Variants in COL23A1 observed in about 807,000 individuals in gnomAD.
The protein encoded by COL23A1 is collagen alpha-1(XXIII) chain.
A neutral mutation model predicts 99.3 loss-of-function variants in COL23A1; 97 were observed. That is an observed-to-expected ratio of 0.98 (90% CI 0.83 to 1.16). The LOEUF (loss-of-function observed/expected upper bound fraction) is 1.16. Ranked by LOEUF, COL23A1 falls within the 50% of genes most tolerant of loss-of-function variation. The pLI is 0.00. For synonymous variants in COL23A1, 320 were observed against 308.2 expected (o/e 1.04, Z -0.40); for missense variants, 762 against 757.4 (o/e 1.01, Z -0.07).
At chr5:178,490,739 C>T (rs2138106) in intron 2 of COL23A1, among the ~76,000 whole-genome samples, 70,191 of 151,804 alleles carry the variant, frequency 0.46, 16,585 homozygotes, top group Admixed American at 0.54. Flanking sequence ...ACTGTGCCAC[C>T]GTACTCCAGC....
intron 2 of COL23A1, among the ~76,000 whole-genome samples, chr5:178,435,090 A>G (rs899201386): frequency 1.1e-4 from 17 of 152,134 alleles, no homozygotes; most frequent in Non-Finnish European, 2.2e-4. Flanking sequence ...TGGCTCCTGG[A>G]GATTTGCCTC....
chr5:178,425,853 G>T (rs1336369166), intron 2 of COL23A1, among the ~76,000 whole-genome samples: 1 of 152,230 alleles, frequency 6.6e-6, no homozygotes, highest in Non-Finnish European at 1.5e-5. Flanking sequence ...TGTGTCTTGA[G>T]AGTGCCGTGG....
At chr5:178,248,450 C>G (rs1400467065) in intron 19 of COL23A1, among the ~76,000 whole-genome samples, 196 bp from the exon 20 acceptor site, 1 of 152,174 alleles carries the variant, frequency 6.6e-6, no homozygotes, top group Non-Finnish European at 1.5e-5. Context: ...AGAAAGCACA[C>G]GAGCAGCCGC....
At chr5:178,247,927 T>C in intron 20 of COL23A1, 96 bp from the exon 21 acceptor site, 1 of 1,116,298 alleles carries the variant, frequency 9.0e-7, no homozygotes. Flanking sequence ...GAGAGTCTCC[T>C]TCCTGCCCCC....
chr5:178,423,818 C>T (rs1765763160), intron 2 of COL23A1, among the ~76,000 whole-genome samples: 1 of 152,112 alleles, frequency 6.6e-6, no homozygotes, highest in African/African-American at 2.4e-5. Context: ...TCCCGGCCTG[C>T]CCATGACGCT....
intron 2 of COL23A1, among the ~76,000 whole-genome samples, chr5:178,373,255 A>G (rs1762896633): frequency 6.6e-6 from 1 of 152,118 alleles, no homozygotes; most frequent in East Asian, 1.9e-4. Flanking sequence ...CTCAGCTATA[A>G]AATGGGCACA....
intron 2 of COL23A1, among the ~76,000 whole-genome samples, chr5:178,332,761 G>A (rs1054102408): frequency 6.6e-6 from 1 of 151,842 alleles, no homozygotes; most frequent in Non-Finnish European, 1.5e-5. Context: ...ATCGACGCTC[G>A]ACTTCCAGGC....
intron 2 of COL23A1, among the ~76,000 whole-genome samples, chr5:178,492,577 C>T (rs1757988229): frequency 6.6e-6 from 1 of 151,866 alleles, no homozygotes; most frequent in African/African-American, 2.4e-5. Flanking sequence ...AAATCCAGGC[C>T]ATACAAAGGA....
At chr5:178,258,780 A>G (rs2973749) in intron 12 of COL23A1, among the ~76,000 whole-genome samples, 96,848 of 151,640 alleles carry the variant, frequency 0.64, 31,167 homozygotes, top group African/African-American at 0.71. Context: ...CTACAGCCTC[A>G]ACCTCCTGGG....
intron 2 of COL23A1, among the ~76,000 whole-genome samples, chr5:178,436,099 G>T (rs1651485556): frequency 6.6e-6 from 1 of 152,152 alleles, no homozygotes; most frequent in African/African-American, 2.4e-5. Context: ...CGAAGGATGC[G>T]CCTGGCCTCA....
intron 1 of COL23A1, among the ~76,000 whole-genome samples, chr5:178,581,253 C>T (rs1398223511): frequency 1.3e-5 from 2 of 152,202 alleles, no homozygotes; most frequent in Non-Finnish European, 2.9e-5. Context: ...ACCTGTCTGT[C>T]TCAAACTCAG....
chr5:178,590,152 C>A lies in COL23A1; in HGVS notation c.46G>T (p.Gly16Cys). 1 of 1,229,116 alleles carries A rather than the reference C, an allele frequency of 8.1e-7. No homozygotes were observed. Among genetic ancestry groups the A allele is most frequent in the Non-Finnish European group, 1.0e-6 (1 of 990,476 alleles). 76.1% of individuals were successfully genotyped at this position (1,229,116 alleles called of 1,614,324 possible). A position where few individuals can be genotyped will look rare whatever the true frequency, so the allele number is the denominator to read the frequency against. ...RAGGGGDAGK[G>C]NAAGGGGGGR... ...CCGCCGCCGCCGCCCGCCGCATTGC[C>A]CTTCCCCGCGTCGCCGCCGCCACCG... Residue 16 changes from glycine (G) to cysteine (C), a missense_variant, in exon 1 of 29, where the codon GGC becomes TGC. Physicochemically the swap from Gly to Cys is radical, Grantham distance 159. Coordinates refer to ENST00000390654, the MANE Select transcript of COL23A1 (RefSeq NM_173465.4). This position sits in a 1 kb window ranked among gnomAD's most constrained non-coding sequence, Gnocchi z 5.7.
At chr5:178,506,724 T>C (rs1012608732) in intron 2 of COL23A1, among the ~76,000 whole-genome samples, 1 of 152,356 alleles carries the variant, frequency 6.6e-6, no homozygotes, top group Middle Eastern at 3.4e-3. Context: ...CTCAAAGATA[T>C]TAATACAATT....
chr5:178,559,826 C>T lies in COL23A1; in HGVS notation c.361+856G>A, dbSNP rs756825124. On this transcript the variant is annotated intron_variant, in intron 2 of 28. Transcript: ENST00000390654. The stretch of plus-strand genomic sequence containing the variant: ...GACACATCACCCAAAAGTCACCTTT[C>T]CCTGCACGTCGAGAAGTCTGAGACA... 2.8e-3 allele frequency among the ~76,000 whole-genome samples: 401 copies of T among 142,302 alleles called. 1 individual carries two copies. The highest frequency in any genetic ancestry group is 0.023 in the Middle Eastern group (5 of 218). The allele number at this position is 142,302 out of a possible 152,430, so 93.4% of individuals were successfully genotyped here.
Position 178,590,050 on chromosome 5 carries a change from C to A in COL23A1, c.148G>T (p.Ala50Ser). Residue 50 changes from alanine to serine, a missense_variant, in exon 1 of 29, where the codon GCC becomes TCC. By Grantham distance (99) the Ala-to-Ser change is moderately conservative. Transcript: ENST00000390654. The surrounding 1 kb of genome is among the most constrained non-coding windows in gnomAD (Gnocchi z 5.7). ...CLLLSVGSAA[A>S]CLLLGVQAAA... ...GCCTGGACACCCAGCAGCAGGCAGG[C>A]AGCCGCCGAGCCCACGGAGAGCAGC... The A allele has an allele frequency of 7.4e-7, 1 of 1,347,792 alleles. No individual in the cohort carries two copies. Among genetic ancestry groups the A allele is most frequent in the Middle Eastern group, 2.8e-4 (1 of 3,618 alleles). 83.5% of individuals were successfully genotyped at this position (1,347,792 alleles called of 1,614,324 possible).
At chr5:178,311,509 C>CGTGTGTGT (rs958348391) in intron 2 of COL23A1, among the ~76,000 whole-genome samples, 5 of 27,232 alleles carry the variant, frequency 1.8e-4, no homozygotes, top group African/African-American at 3.5e-4. Context: ...TGTGTGTGCG[C>CGTGTGTGT]GTGTGTGTGT....
chr5:178,408,638 C>A (rs576391144), intron 2 of COL23A1, among the ~76,000 whole-genome samples: 10 of 152,006 alleles, frequency 6.6e-5, no homozygotes, highest in Admixed American at 2.6e-4. Context: ...CTTAAAAAAA[C>A]CCCAAAAAAC....
At chr5:178,290,582 C>T (rs1253643312) in intron 3 of COL23A1, among the ~76,000 whole-genome samples, 7 of 152,154 alleles carry the variant, frequency 4.6e-5, no homozygotes, top group African/African-American at 7.2e-5. Context: ...GGGATGGTCA[C>T]GGGGGTGGTG....
chr5:178,564,315 C>T (rs1357995115), intron 1 of COL23A1, among the ~76,000 whole-genome samples: 2 of 152,150 alleles, frequency 1.3e-5, no homozygotes, highest in Non-Finnish European at 2.9e-5. Context: ...CTCTCCCCCA[C>T]CTCCAGGCCC....
Sources: gnomAD v4.1 joint callset for allele counts (sites outside exome capture counted in the v4.1 genomes callset) on GRCh38, gnomAD v4.1.1 for gene constraint, Gnocchi (gnomAD v3.1) non-coding constraint, MANE v1.5 for transcripts, NCBI Gene and HGNC (gene_info 2026-07-23, HGNC 2026-07-21) for gene names.